MTMR14: variants seen among roughly 807,000 people sequenced by gnomAD.
MTMR14 encodes myotubularin related protein 14, also known as phosphatidylinositol-3,5-bisphosphate 3-phosphatase MTMR14.
In MTMR14, 48 loss-of-function variants were observed where a neutral mutation model predicts 86.3. That is an observed-to-expected ratio of 0.56 (90% CI 0.44 to 0.71). MTMR14 has a LOEUF of 0.71. MTMR14 is among the 30% of genes least tolerant of loss of function. MTMR14 has a pLI of 0.00. For missense variants in MTMR14, 780 were observed against 834.6 expected, an observed-to-expected ratio of 0.93 and a Z score of 0.81; for synonymous variants, 366 against 326.1, an observed-to-expected ratio of 1.12 and a Z score of -1.32.
chr3:9,651,790 C>G (rs988891992), intron 1 of MTMR14, among the ~76,000 whole-genome samples: 7 of 151,762 alleles, frequency 4.6e-5, no homozygotes, highest in African/African-American at 1.5e-4. Context: ...TTCAGCCTCC[C>G]TAGTAGCTGG....
At chr3:9,689,859 G>A in intron 16 of MTMR14, 105 bp from the exon 17 acceptor site, 1 of 1,158,150 alleles carries the variant, frequency 8.6e-7, no homozygotes, top group Non-Finnish European at 1.2e-6. Context: ...CTCATGTGAT[G>A]TTTTCCCAGT....
intron 17 of MTMR14, among the ~76,000 whole-genome samples, chr3:9,697,454 C>A (rs185605553): frequency 9.9e-4 from 151 of 152,322 alleles, no homozygotes; most frequent in African/African-American, 3.5e-3. Context: ...TTCACTCTTA[C>A]TGCCATGCTT....
chr3:9,687,985 C>T, intron 14 of MTMR14, 94 bp downstream of exon 14: 8 of 1,059,690 alleles, frequency 7.5e-6, no homozygotes, highest in Non-Finnish European at 7.1e-6. Flanking sequence ...CATTCCCGCC[C>T]TGCCTCCCTG....
chr3:9,700,926 T>TCCTGC (rs1422850553), intron 18 of MTMR14: 1 of 152,086 alleles, frequency 6.6e-6, no homozygotes, highest in Non-Finnish European at 1.5e-5. Context: ...CAAGTGATTC[T>TCCTGC]CCTGCCTTCA....
intron 2 of MTMR14, 97 bp downstream of exon 2, chr3:9,653,866 T>C (rs1559555303): frequency 1.3e-6 from 2 of 1,513,274 alleles, no homozygotes; most frequent in Admixed American, 1.7e-5. Flanking sequence ...CAGAATCACT[T>C]TCCCCAGGTG....
At chr3:9,694,796 C>T (rs1451550097) in intron 17 of MTMR14, among the ~76,000 whole-genome samples, 1 of 152,204 alleles carries the variant, frequency 6.6e-6, no homozygotes, top group Non-Finnish European at 1.5e-5. Context: ...CTAAAAGACA[C>T]CTGCTCTGAG....
In MTMR14 at chr3:9,693,803, G is replaced by T. The variant is rs527276402; in HGVS notation, c.1613+3660G>T. ...CATCCAAGGACTTGGTATTGGTGGGGTGGTAAGTGGGTGGCAATCCTGGAA... is the reference window on the plus strand; with the variant it reads ...CATCCAAGGACTTGGTATTGGTGGGTTGGTAAGTGGGTGGCAATCCTGGAA... On this transcript the variant is annotated intron_variant, in intron 17 of 18. Coordinates refer to ENST00000296003, the MANE Select transcript of MTMR14 (RefSeq NM_001077525.3). Among the ~76,000 whole-genome samples the T allele has an allele frequency of 8.5e-5, 13 of 152,300 alleles. No individual in the cohort carries two copies. In the South Asian group the frequency reaches 2.5e-3, roughly 29 times the overall value.
At position 9,701,834 on chromosome 3, in the gene MTMR14, G is replaced by A. The variant is rs769804646; in HGVS notation, c.1814G>A (p.Arg605His). The A allele has an allele frequency of 1.9e-5, 31 of 1,613,642 alleles. No homozygotes were observed. Among genetic ancestry groups the A allele is most frequent in the Non-Finnish European group, 2.4e-5 (28 of 1,180,052 alleles). The change falls in exon 19 of 19, where the codon CGC becomes CAC. Residue 605 changes from arginine (R) to histidine (H), a missense_variant. Coordinates refer to ENST00000296003, the MANE Select transcript of MTMR14 (RefSeq NM_001077525.3). This position sits in a 1 kb window ranked among gnomAD's most constrained non-coding sequence, Gnocchi z 4.2. ...SDRETRLQEV[R>H]SAFLAAYSST... The stretch of plus-strand genomic sequence containing the variant: ...CGAGAGACTCGGCTGCAGGAGGTGC[G>A]CTCAGCCTTCTTGGCTGCGTACAGC...
chr3:9,698,007 C>A, intron 18 of MTMR14, 141 bp downstream of exon 18: 1 of 1,231,544 alleles, frequency 8.1e-7, no homozygotes, highest in Non-Finnish European at 1.2e-6. Context: ...AGCTGCTGGA[C>A]CCGAGGTATG....
chr3:9,697,582 CTT>C, intron 17 of MTMR14, 127 bp from the exon 18 acceptor site: 3 of 1,062,686 alleles, frequency 2.8e-6, no homozygotes, highest in Non-Finnish European at 4.1e-6. Context: ...TTTTTTTAGA[CTT>C]TTGGAGACAG....
At chr3:9,650,516 C>G (rs1309220456) in intron 1 of MTMR14, 1 of 369,470 alleles carries the variant, frequency 2.7e-6, no homozygotes, top group Non-Finnish European at 5.5e-6. Flanking sequence ...TCTGATTTGA[C>G]CTCAGAGATT....
intron 1 of MTMR14, 59 bp from the exon 2 acceptor site, chr3:9,653,562 A>C (rs2047431166): frequency 1.2e-6 from 2 of 1,611,550 alleles, no homozygotes; most frequent in Non-Finnish European, 1.7e-6. Flanking sequence ...TGGACCTCCT[A>C]ATTCTCACCC....
At chr3:9,694,531 T>C (rs2076227724) in intron 17 of MTMR14, among the ~76,000 whole-genome samples, 2 of 151,200 alleles carry the variant, frequency 1.3e-5, no homozygotes, top group South Asian at 2.1e-4. Flanking sequence ...GATGGATGGA[T>C]TGGGATGGAC....
chr3:9,668,594 A>C (rs1220045846), intron 3 of MTMR14, 125 bp from the exon 4 acceptor site: 3 of 911,332 alleles, frequency 3.3e-6, no homozygotes, highest in Non-Finnish European at 5.4e-6. Context: ...ATGCTGATAA[A>C]ACTTTGGGGA....
intron 3 of MTMR14, among the ~76,000 whole-genome samples, chr3:9,662,638 G>A (rs937138803): frequency 6.6e-6 from 1 of 152,102 alleles, no homozygotes; most frequent in Non-Finnish European, 1.5e-5. Flanking sequence ...CTTATTTCCT[G>A]CCTATGCAGA....
intron 7 of MTMR14, among the ~76,000 whole-genome samples, 196 bp downstream of exon 7, chr3:9,672,954 A>T (rs1188941997): frequency 6.6e-6 from 1 of 151,988 alleles, no homozygotes; most frequent in Non-Finnish European, 1.5e-5. Context: ...GGGGCTTTCC[A>T]CTCAAGGGGT....
intron 1 of MTMR14, among the ~76,000 whole-genome samples, chr3:9,651,695 T>C (rs1450944267): frequency 6.6e-6 from 1 of 152,158 alleles, no homozygotes; most frequent in Non-Finnish European, 1.5e-5. Context: ...AGAAGGAGTC[T>C]CCCTCTGTCA....
At chr3:9,653,491 C>A in intron 1 of MTMR14, 130 bp from the exon 2 acceptor site, 1 of 1,185,148 alleles carries the variant, frequency 8.4e-7, no homozygotes, top group Non-Finnish European at 1.2e-6. Context: ...AGCATCACAT[C>A]TTCCCAGCAC....
At position 9,684,581 on chromosome 3, in the gene MTMR14, G is replaced by A; in HGVS notation, c.965-4G>A. ...GGGCATCCTCTCCTGCGGTTCCTGA[G>A]TAGATGACAGCGGGCTGCTGGTACA... On this transcript the variant is annotated splice_polypyrimidine_tract_variant and splice_region_variant and intron_variant, in intron 10 of 18. Transcript: ENST00000296003. 6.2e-7 allele frequency: 1 copy of A among 1,614,138 alleles called. No individual in the cohort carries two copies. Among genetic ancestry groups the A allele is most frequent in the Non-Finnish European group, 8.5e-7 (1 of 1,180,022 alleles).
Sources: allele counts gnomAD v4.1 joint callset (sites outside exome capture counted in the v4.1 genomes callset), GRCh38; gene constraint gnomAD v4.1.1; non-coding constraint Gnocchi (gnomAD v3.1); transcripts MANE v1.5; gene names NCBI Gene and HGNC (gene_info 2026-07-23, HGNC 2026-07-21).